Variants in TRABD2B observed in about 807,000 individuals in gnomAD.
TRABD2B encodes TraB domain containing 2B.
Under a neutral mutation model 40.1 loss-of-function variants are expected in TRABD2B, and 14 were observed. The ratio of observed to expected loss-of-function variants is 0.35; its 90% CI spans 0.23 to 0.55. The LOEUF is 0.55. Ranked by LOEUF, TRABD2B falls within the 20% of genes least tolerant of loss-of-function variation. The probability of loss-of-function intolerance (pLI) is 0.90; values close to 1 mark genes in which losing one functional copy is unlikely to be tolerated. For missense variants in TRABD2B, 541 were observed against 648.6 expected (o/e 0.83, Z 1.80); for synonymous variants, 263 against 277.0 (o/e 0.95, Z 0.50).
At position 47,996,489 on chromosome 1, in the gene TRABD2B, G is replaced by A. The variant is rs1378986639; in HGVS notation, c.102+199C>T. ...AGCGTGTGGAGAAGGAACCGGAGAG[G>A]GAGCGCCCCTTCTCGCTCCTGGCTG... On this transcript the variant is annotated intron_variant, in intron 1 of 6. Coordinates refer to ENST00000606738, the MANE Select transcript of TRABD2B (RefSeq NM_001194986.2). The surrounding 1 kb of genome is among the most constrained non-coding windows in gnomAD (Gnocchi z 4.6). 6.6e-6 allele frequency among the ~76,000 whole-genome samples: 1 copy of A among 152,170 alleles called. No homozygotes were observed. Among genetic ancestry groups the A allele is most frequent in the Admixed American group, 6.5e-5 (1 of 15,284 alleles).
rs1350158193 is a variant in TRABD2B at position 47,996,626 on chromosome 1, T to C, written c.102+62A>G. On this transcript the variant is annotated intron_variant, in intron 1 of 6. Transcript: ENST00000606738. This position sits in a 1 kb window ranked among gnomAD's most constrained non-coding sequence, Gnocchi z 4.6. ...GGGTGCGGAAGCAGGACCCAAACCA[T>C]GGTCCCACGGGACTAGAATACCCAG... The C allele has an allele frequency of 1.6e-6, 2 of 1,215,756 alleles. No homozygotes were observed. The highest frequency in any genetic ancestry group is 2.0e-6 in the Non-Finnish European group (2 of 976,246). 75.3% of individuals were successfully genotyped at this position (1,215,756 alleles called of 1,614,324 possible).
At chr1:47,853,304 T>C (rs1415971896) in intron 2 of TRABD2B, among the ~76,000 whole-genome samples, 1 of 152,204 alleles carries the variant, frequency 6.6e-6, no homozygotes, top group Non-Finnish European at 1.5e-5. Context: ...TGGCCCGAAT[T>C]AGCCAAGGGG....
intron 2 of TRABD2B, among the ~76,000 whole-genome samples, chr1:47,850,414 C>A (rs913702369): frequency 1.3e-5 from 2 of 152,204 alleles, no homozygotes; most frequent in Non-Finnish European, 2.9e-5. Flanking sequence ...GGAAGCTTGG[C>A]CAAAATAATC....
chr1:47,985,936 A>G (rs1348062860), intron 2 of TRABD2B, among the ~76,000 whole-genome samples: 1 of 152,238 alleles, frequency 6.6e-6, no homozygotes, highest in African/African-American at 2.4e-5. Context: ...GGTAGAGGGA[A>G]CAACATGAGC....
At chr1:47,826,872 C>T (rs8179331) in intron 2 of TRABD2B, among the ~76,000 whole-genome samples, 99,297 of 151,670 alleles carry the variant, frequency 0.65, 32,732 homozygotes, top group South Asian at 0.8. Context: ...TGCGCCCGGC[C>T]TAGGGAGCCA....
chr1:47,936,525 T>C (rs1324184433), intron 2 of TRABD2B, among the ~76,000 whole-genome samples: 2 of 152,146 alleles, frequency 1.3e-5, no homozygotes, highest in Non-Finnish European at 1.5e-5. Flanking sequence ...GGATAGAACT[T>C]CTAGGAAAGC....
chr1:47,891,906 T>C (rs1455292433), intron 2 of TRABD2B, among the ~76,000 whole-genome samples: 1 of 150,804 alleles, frequency 6.6e-6, no homozygotes. Flanking sequence ...GGAGTAATGG[T>C]GTCAGTGGTC....
intron 2 of TRABD2B, among the ~76,000 whole-genome samples, chr1:47,847,083 G>C (rs1406310878): frequency 2.0e-5 from 3 of 152,106 alleles, no homozygotes; most frequent in African/African-American, 7.2e-5. Flanking sequence ...TGTTGGCCTT[G>C]GGAAAGGAGA....
chr1:47,935,095 C>A (rs545047095), intron 2 of TRABD2B, among the ~76,000 whole-genome samples: 1 of 152,176 alleles, frequency 6.6e-6, no homozygotes, highest in African/African-American at 2.4e-5. Context: ...CGCAGGTAGA[C>A]AAGTAGTCTC....
chr1:47,961,730 T>C (rs1219834987), intron 2 of TRABD2B, among the ~76,000 whole-genome samples: 1 of 152,164 alleles, frequency 6.6e-6, no homozygotes, highest in South Asian at 2.1e-4. Flanking sequence ...CTGGAGAGGA[T>C]GTGGAGAAAT....
chr1:47,806,092 C>T (rs892760776), intron 2 of TRABD2B, among the ~76,000 whole-genome samples: 1 of 152,210 alleles, frequency 6.6e-6, no homozygotes, highest in African/African-American at 2.4e-5. Flanking sequence ...ACGTCTGGCA[C>T]CGGACCAGGT....
chr1:47,873,387 T>C (rs980027036), intron 2 of TRABD2B, among the ~76,000 whole-genome samples: 5 of 152,192 alleles, frequency 3.3e-5, no homozygotes, highest in African/African-American at 9.6e-5. Flanking sequence ...CAGGTAGTCT[T>C]TATTTGCCTC....
intron 2 of TRABD2B, among the ~76,000 whole-genome samples, chr1:47,944,908 A>G (rs1249353999): frequency 1.3e-5 from 2 of 152,200 alleles, no homozygotes; most frequent in African/African-American, 2.4e-5. Flanking sequence ...ACAAACACTC[A>G]TTAGATAGAA....
chr1:47,842,113 G>A, intron 2 of TRABD2B, among the ~76,000 whole-genome samples: 1 of 152,176 alleles, frequency 6.6e-6, no homozygotes, highest in East Asian at 1.9e-4. Flanking sequence ...AACAAAGCTG[G>A]CTCCTGTGAA....
rs1056401510 is a variant in TRABD2B at position 47,913,478 on chromosome 1, C to A, written c.666+80556G>T. On this transcript the variant is annotated intron_variant, in intron 2 of 6. Coordinates refer to ENST00000606738, the MANE Select transcript of TRABD2B (RefSeq NM_001194986.2). ...CTAGGAAACCCAGCTCACTGTTTACCCAGTGCCTATTTTGCACTTTGTCCC... is the reference window on the plus strand; with the variant it reads ...CTAGGAAACCCAGCTCACTGTTTACACAGTGCCTATTTTGCACTTTGTCCC... Among the ~76,000 whole-genome samples, 17 of 152,290 alleles carry A rather than the reference C, an allele frequency of 1.1e-4. No homozygotes were observed. In the East Asian group the frequency reaches 3.1e-3, roughly 28 times the overall value.
In TRABD2B at chr1:47,845,188, C is replaced by A. The variant is rs546525884; in HGVS notation, c.667-43569G>T. On this transcript the variant is annotated intron_variant, in intron 2 of 6. Transcript: ENST00000606738. Reference sequence around the variant, plus strand: ...CTCCAAGAAAAGCTCACCTTCCCACCCCTTTTTCTGCCACGTTATGGAAAG... The same window carrying A: ...CTCCAAGAAAAGCTCACCTTCCCACACCTTTTTCTGCCACGTTATGGAAAG... Among the ~76,000 whole-genome samples, 5 of 152,256 alleles carry A rather than the reference C, an allele frequency of 3.3e-5. 1 individual carries two copies. The South Asian group carries it at 1.0e-3, about 32-fold the overall frequency.
chr1:47,982,051 C>T (rs948843295), intron 2 of TRABD2B, among the ~76,000 whole-genome samples: 2 of 152,160 alleles, frequency 1.3e-5, no homozygotes, highest in Admixed American at 1.3e-4. Context: ...TGGGAGACCA[C>T]AGTGAAGGCA....
intron 5 of TRABD2B, among the ~76,000 whole-genome samples, chr1:47,775,722 T>A (rs1644436168): frequency 6.6e-6 from 1 of 152,120 alleles, no homozygotes; most frequent in Admixed American, 6.5e-5. Context: ...AAACAGACAA[T>A]GCCTCTGATC....
chr1:47,972,128 C>CATG (rs1265551091), intron 2 of TRABD2B, among the ~76,000 whole-genome samples: 1 of 152,212 alleles, frequency 6.6e-6, no homozygotes, highest in South Asian at 2.1e-4. Context: ...TTAGCAGTAT[C>CATG]ATTATTATTA....
Sources: allele counts gnomAD v4.1 joint callset (sites outside exome capture counted in the v4.1 genomes callset), GRCh38; gene constraint gnomAD v4.1.1; non-coding constraint Gnocchi (gnomAD v3.1); transcripts MANE v1.5; gene names NCBI Gene and HGNC (gene_info 2026-07-23, HGNC 2026-07-21).